EYA4: variants seen among roughly 807,000 people sequenced by gnomAD.
EYA4 encodes the protein protein phosphatase EYA4.
A neutral mutation model predicts 87.9 loss-of-function variants in EYA4; 31 were observed. The observed-to-expected ratio is 0.35, with a 90% CI of 0.27 to 0.48. EYA4 has a LOEUF of 0.48. Among genes scored for constraint, EYA4 ranks in the 20% least tolerant of loss-of-function variants. The pLI, the probability that EYA4 is intolerant of heterozygous loss-of-function variation, is 0.99. For synonymous variants in EYA4, 263 were observed against 270.6 expected, an observed-to-expected ratio of 0.97 and a Z score of 0.28; for missense variants, 678 against 761.4, an observed-to-expected ratio of 0.89 and a Z score of 1.29.
intron 2 of EYA4, among the ~76,000 whole-genome samples, chr6:133,355,141 G>A (rs1783917683): frequency 6.6e-6 from 1 of 151,992 alleles, no homozygotes; most frequent in Non-Finnish European, 1.5e-5. Context: ...TTGTTACATA[G>A]GTAAACTTGT....
Position 133,523,042 on chromosome 6 carries a change from C to A in EYA4, c.1617-14C>A. The A allele has an allele frequency of 6.2e-7, 1 of 1,603,272 alleles. No individual in the cohort carries two copies. Among genetic ancestry groups the A allele is most frequent in the Non-Finnish European group, 8.5e-7 (1 of 1,170,558 alleles). The stretch of plus-strand genomic sequence containing the variant: ...TATTAGAAAACAAACATGTATATTT[C>A]CTCCCTATTTTAGGAGTAACTGCAT... On this transcript the variant is annotated splice_polypyrimidine_tract_variant and intron_variant, in intron 17 of 19. Coordinates refer to ENST00000355286, the MANE Select transcript of EYA4 (RefSeq NM_004100.5).
chr6:133,352,315 G>T (rs1475790385), intron 2 of EYA4, among the ~76,000 whole-genome samples: 1 of 152,124 alleles, frequency 6.6e-6, no homozygotes, highest in Non-Finnish European at 1.5e-5. Flanking sequence ...GGCTACCATA[G>T]ATTTGACCAG....
chr6:133,420,028 G>C (rs986332537), intron 3 of EYA4, among the ~76,000 whole-genome samples: 3 of 152,204 alleles, frequency 2.0e-5, no homozygotes, highest in Admixed American at 6.5e-5. Flanking sequence ...ACATTTTTGA[G>C]GTGATTAGCC....
chr6:133,487,374 T>C (rs1796771662), intron 13 of EYA4, among the ~76,000 whole-genome samples: 1 of 152,088 alleles, frequency 6.6e-6, no homozygotes, highest in African/African-American at 2.4e-5. Flanking sequence ...GGCAGACACA[T>C]GACATGGTAA....
At chr6:133,391,860 A>G (rs934771058) in intron 3 of EYA4, among the ~76,000 whole-genome samples, 1 of 152,036 alleles carries the variant, frequency 6.6e-6, no homozygotes, top group African/African-American at 2.4e-5. Context: ...TTTATCCAGC[A>G]CCTACCCCTC....
At chr6:133,494,371 G>A (rs550758293) in intron 13 of EYA4, among the ~76,000 whole-genome samples, 1 of 152,230 alleles carries the variant, frequency 6.6e-6, no homozygotes. Context: ...CGAACTAATG[G>A]TGACAGAGTA....
chr6:133,427,478 G>T (rs1290228557), intron 3 of EYA4, among the ~76,000 whole-genome samples: 1 of 152,162 alleles, frequency 6.6e-6, no homozygotes, highest in Non-Finnish European at 1.5e-5. Flanking sequence ...GTAGATTCAG[G>T]TTCTTGGATC....
At chr6:133,375,221 C>T (rs758572829) in intron 2 of EYA4, among the ~76,000 whole-genome samples, 18 of 151,930 alleles carry the variant, frequency 1.2e-4, no homozygotes, top group Non-Finnish European at 2.4e-4. Flanking sequence ...ATCTTCACAA[C>T]ATAAATCATA....
At chr6:133,274,126 A>ACCAGTTAT in intron 1 of EYA4, among the ~76,000 whole-genome samples, 1 of 152,202 alleles carries the variant, frequency 6.6e-6, no homozygotes, top group Non-Finnish European at 1.5e-5. Flanking sequence ...TGAATAGTTA[A>ACCAGTTAT]CCAGTTATCT....
At chr6:133,511,492 A>G (rs1297541467) in intron 14 of EYA4, among the ~76,000 whole-genome samples, 2 of 151,418 alleles carry the variant, frequency 1.3e-5, no homozygotes, top group East Asian at 1.9e-4. Flanking sequence ...TATTTATTAT[A>G]TATTTATTAT....
At chr6:133,503,986 T>G (rs1439461154) in intron 13 of EYA4, among the ~76,000 whole-genome samples, 2 of 152,142 alleles carry the variant, frequency 1.3e-5, no homozygotes, top group Non-Finnish European at 2.9e-5. Context: ...GGCATGATCT[T>G]GGCTCACTGC....
intron 19 of EYA4, among the ~76,000 whole-genome samples, chr6:133,527,408 G>C (rs572654411): frequency 1.3e-5 from 2 of 152,260 alleles, no homozygotes; most frequent in African/African-American, 2.4e-5. Flanking sequence ...CTCTTCCATA[G>C]AAACATGTAA....
chr6:133,528,639 C>T, intron 19 of EYA4, 86 bp from the exon 20 acceptor site: 2 of 979,348 alleles, frequency 2.0e-6, no homozygotes, highest in South Asian at 2.6e-5. Context: ...TGTGCTGCTG[C>T]TTCATTGAGA....
At chr6:133,398,009 G>A (rs539682057) in intron 3 of EYA4, among the ~76,000 whole-genome samples, 4 of 152,134 alleles carry the variant, frequency 2.6e-5, no homozygotes, top group Admixed American at 6.5e-5. Flanking sequence ...GCATTGTTTT[G>A]TGTGTCTTTT....
intron 2 of EYA4, among the ~76,000 whole-genome samples, chr6:133,294,860 T>G (rs1250009346): frequency 6.6e-6 from 1 of 152,110 alleles, no homozygotes; most frequent in Non-Finnish European, 1.5e-5. Flanking sequence ...GGATTACAGG[T>G]GCAAGCCACC....
At chr6:133,323,956 A>G (rs1781298372) in intron 2 of EYA4, among the ~76,000 whole-genome samples, 1 of 152,104 alleles carries the variant, frequency 6.6e-6, no homozygotes, top group African/African-American at 2.4e-5. Context: ...TTCTCACACA[A>G]TAAGAATGAA....
chr6:133,461,940 C>T (rs1044789024), intron 7 of EYA4, among the ~76,000 whole-genome samples: 1 of 151,266 alleles, frequency 6.6e-6, no homozygotes, highest in Non-Finnish European at 1.5e-5. Flanking sequence ...CATTAAGTCA[C>T]TCATGGTGAG....
intron 12 of EYA4, among the ~76,000 whole-genome samples, chr6:133,482,388 T>G (rs1051064191): frequency 6.6e-6 from 1 of 152,164 alleles, no homozygotes; most frequent in Non-Finnish European, 1.5e-5. Context: ...TGTGAGGAGC[T>G]CAGAGTGCAG....
chr6:133,438,548 C>T (rs1178003644), intron 3 of EYA4, among the ~76,000 whole-genome samples: 1 of 151,558 alleles, frequency 6.6e-6, no homozygotes, highest in South Asian at 2.1e-4. Context: ...TTTCTAGAAT[C>T]TTTAAGTTTA....
Sources: allele counts gnomAD v4.1 joint callset (sites outside exome capture counted in the v4.1 genomes callset), GRCh38; gene constraint gnomAD v4.1.1; transcripts MANE v1.5; gene names NCBI Gene and HGNC (gene_info 2026-07-23, HGNC 2026-07-21).